Variants in FPGS observed in about 807,000 individuals in gnomAD.
The protein encoded by FPGS is folylpolyglutamate synthase, mitochondrial.
FPGS carries 53 observed loss-of-function variants against 66.5 expected under a neutral mutation model. The ratio of observed to expected loss-of-function variants is 0.80; its 90% confidence interval spans 0.64 to 1.00. FPGS has a LOEUF of 1.00. FPGS is among the 50% of genes least tolerant of loss of function. The pLI is 0.00. For synonymous variants in FPGS, 348 were observed against 350.9 expected, an observed-to-expected ratio of 0.99 and a Z score of 0.09; for missense variants, 702 against 807.7, an observed-to-expected ratio of 0.87 and a Z score of 1.59.
intron 14 of FPGS, 71 bp downstream of exon 14, chr9:127,811,082 C>G (rs542854218): frequency 1.2e-6 from 1 of 854,148 alleles, no homozygotes; most frequent in Non-Finnish European, 1.9e-6. Context: ...GGCTTCCAAA[C>G]TGGAGGTTTG....
At chr9:127,812,310 T>G (rs1432918620) in intron 14 of FPGS, among the ~76,000 whole-genome samples, 5 of 148,396 alleles carry the variant, frequency 3.4e-5, no homozygotes, top group African/African-American at 1.3e-4. Flanking sequence ...TGGGGAGAGT[T>G]CTGGAATCTG....
intron 1 of FPGS, 47 bp downstream of exon 1, chr9:127,803,109 TG>T (rs1829669059): frequency 7.6e-7 from 1 of 1,321,734 alleles, no homozygotes; most frequent in Non-Finnish European, 9.6e-7. Context: ...CGACGACACG[TG>T]GGCCTGCGCT....
Position 127,813,217 on chromosome 9 carries a change from A to C in FPGS, c.1377A>C (p.Thr459=), listed in dbSNP as rs765952881. 1.3e-6 allele frequency: 2 copies of C among 1,594,304 alleles called. No individual in the cohort carries two copies. Among genetic ancestry groups the C allele is most frequent in the African/African-American group, 1.3e-5 (1 of 74,606 alleles). Residue 459 remains threonine, a synonymous_variant, in exon 15 of 15, where the codon ACA becomes ACC. Coordinates refer to ENST00000373247, the MANE Select transcript of FPGS (RefSeq NM_004957.6). The stretch of plus-strand genomic sequence containing the variant: ...CAGACCAACAGAACTTCACAGTGAC[A>C]CTGGACCAGGTCCTGCTCCGCTGCC... ...GNADQQNFTV[T]LDQVLLRCLE...
chr9:127,806,917 G>T (rs1352973216), intron 4 of FPGS, 56 bp from the exon 5 acceptor site: 1 of 1,332,092 alleles, frequency 7.5e-7, no homozygotes, highest in Non-Finnish European at 1.1e-6. Flanking sequence ...CTGCAGGGTG[G>T]GGGAAGGCCA....
At chr9:127,808,754 C>G (rs1313903274) in intron 10 of FPGS, 46 bp from the exon 11 acceptor site, 1 of 1,557,804 alleles carries the variant, frequency 6.4e-7, no homozygotes, top group Non-Finnish European at 8.7e-7. Flanking sequence ...CCTGTGGAGC[C>G]TGCCTAGGAG....
At position 127,808,794 on chromosome 9, in the gene FPGS, C is replaced by G; in HGVS notation, c.971-6C>G. The G allele has an allele frequency of 6.4e-7, 1 of 1,557,158 alleles. No individual in the cohort carries two copies. Among genetic ancestry groups the G allele is most frequent in the Non-Finnish European group, 8.7e-7 (1 of 1,150,408 alleles). On this transcript the variant is annotated splice_region_variant and splice_polypyrimidine_tract_variant and intron_variant, in intron 10 of 14. Coordinates refer to ENST00000373247, the MANE Select transcript of FPGS (RefSeq NM_004957.6). ...CCGGACACACTTGGTCTCACACACC[C>G]CGCAGGTGCTGGGGAGCCAAAGGCA...
chr9:127,813,930 C>T lies in FPGS; in HGVS notation c.*326C>T. The stretch of plus-strand genomic sequence containing the variant: ...ATTGTGTGCGCTGCCTGGCCAGGCC[C>T]TGGGTCTTGCCATGTGCTGGGTGGT... On this transcript the variant is annotated 3_prime_UTR_variant, in exon 15 of 15. Coordinates refer to ENST00000373247, the MANE Select transcript of FPGS (RefSeq NM_004957.6). 8.8e-7 allele frequency: 1 copy of T among 1,130,490 alleles called. No homozygotes were observed. Among genetic ancestry groups the T allele is most frequent in the Non-Finnish European group, 1.1e-6 (1 of 923,870 alleles). 70.0% of individuals were successfully genotyped at this position (1,130,490 alleles called of 1,614,324 possible). A position where few individuals can be genotyped will look rare whatever the true frequency, so the allele number is the denominator to read the frequency against.
At chr9:127,808,413 T>G in intron 9 of FPGS, 102 bp downstream of exon 9, 1 of 1,486,010 alleles carries the variant, frequency 6.7e-7, no homozygotes, top group Non-Finnish European at 9.4e-7. Flanking sequence ...ATCTGTGCAG[T>G]GAGGACGCTG....
Position 127,808,700 on chromosome 9 carries a change from G to T in FPGS, c.965G>T (p.Arg322Leu). 1 of 1,584,000 alleles carries T rather than the reference G, an allele frequency of 6.3e-7. No homozygotes were observed. Among genetic ancestry groups the T allele is most frequent in the Non-Finnish European group, 8.6e-7 (1 of 1,165,520 alleles). Residue 322 changes from arginine to leucine, a missense_variant, in exon 10 of 15, where the codon CGC becomes CTC. Physicochemically the swap from Arg to Leu is moderately radical, Grantham distance 102. Transcript: ENST00000373247. ...LAHCWLQRQD[R>L]HGAGEPKASR... ...CACTGCTGGCTGCAGCGGCAGGACC[G>T]CCATGGTGAGTGGGCAGCTGAGTGG... is the stretch of plus-strand genomic sequence containing the variant.
chr9:127,813,556 C>G lies in FPGS; in HGVS notation c.1716C>G (p.His572Gln), dbSNP rs138533799. 1 of 1,592,448 alleles carries G rather than the reference C, an allele frequency of 6.3e-7. No individual in the cohort carries two copies. The highest frequency in any genetic ancestry group is 1.7e-5 in the Admixed American group (1 of 58,138). Residue 572 changes from histidine (H) to glutamine (Q), a missense_variant, in exon 15 of 15, where the codon CAC (histidine) becomes CAG (glutamine). By Grantham distance (24) the His-to-Gln change is conservative. Around this residue, in one of 3 missense-constraint regions of FPGS, gnomAD observed 351 missense variants for 363.7 expected, o/e 0.97. Transcript: ENST00000373247. ...AIHVLVTGSL[H>Q]LVGGVLKLLE... ...ATGTGCTAGTCACTGGCAGCCTGCA[C>G]CTGGTGGGTGGTGTCCTGAAGCTGC...
At chr9:127,809,888 ATCTTGGGGAAGGGCGGGGCGGGG>A (rs1209176351) in intron 12 of FPGS, 54 bp downstream of exon 12, 13 of 616,844 alleles carry the variant, frequency 2.1e-5, no homozygotes, top group Admixed American at 2.9e-5. Flanking sequence ...GAGGGGCGGG[ATCTTGGGGAAGGGCGGGGCGGGG>A]TCGTGGGGAA....
intron 11 of FPGS, 133 bp from the exon 12 acceptor site, chr9:127,809,551 C>G: frequency 1.2e-6 from 1 of 802,132 alleles, no homozygotes; most frequent in Admixed American, 4.0e-5. Flanking sequence ...GTAAAAAGTT[C>G]CTGGGCTGCC....
chr9:127,804,260 A>G (rs7856096), intron 1 of FPGS, 25 bp from the exon 2 acceptor site: 41,239 of 1,611,018 alleles, frequency 0.026, 1,841 homozygotes, highest in African/African-American at 0.2. Flanking sequence ...GCCTTAACCT[A>G]CTATCTGGGC....
intron 8 of FPGS, 61 bp from the exon 9 acceptor site, chr9:127,808,173 C>G: frequency 7.9e-7 from 1 of 1,262,134 alleles, no homozygotes; most frequent in Non-Finnish European, 1.2e-6. Context: ...GATGTGGGGG[C>G]CAGAGATAGG....
chr9:127,803,403 G>A (rs2131841374), intron 1 of FPGS: 1 of 1,071,202 alleles, frequency 9.3e-7, no homozygotes, highest in East Asian at 6.4e-5. Context: ...TGGGGAAAGA[G>A]GGTAGGGAAG....
At chr9:127,803,287 G>T in intron 1 of FPGS, 2 of 1,232,242 alleles carry the variant, frequency 1.6e-6, no homozygotes, top group Admixed American at 4.3e-5. Flanking sequence ...TCCCCGCCCC[G>T]GGTTGGGAAG....
Position 127,813,526 on chromosome 9 carries a change from C to A in FPGS, c.1686C>A (p.Ala562=). The A allele has an allele frequency of 6.2e-7, 1 of 1,608,884 alleles. No individual in the cohort carries two copies. Residue 562 remains alanine, a synonymous_variant, in exon 15 of 15, where the codon GCC becomes GCA. Coordinates refer to ENST00000373247, the MANE Select transcript of FPGS (RefSeq NM_004957.6). Reference sequence around the variant, plus strand: ...CCAGCATACTCCGTGAGGCTGCTGCCATCCATGTGCTAGTCACTGGCAGCC... The same window carrying A: ...CCAGCATACTCCGTGAGGCTGCTGCAATCCATGTGCTAGTCACTGGCAGCC... ...SGASILREAA[A]IHVLVTGSLH... is the part of the protein sequence containing the mutation.
chr9:127,804,813 C>CATGTTTTTAT lies in FPGS; in HGVS notation c.386+113_386+114insATGTTTTTAT. On this transcript the variant is annotated intron_variant, in intron 4 of 14. Coordinates refer to ENST00000373247, the MANE Select transcript of FPGS (RefSeq NM_004957.6). Reference sequence around the variant, plus strand: ...CCCCCAGGAGGTCAGCTGCATGTCTCTCTGCCCAGTGTTTATTCATTCAAT... The same window carrying CATGTTTTTAT: ...CCCCCAGGAGGTCAGCTGCATGTCTCATGTTTTTATTCTGCCCAGTGTTTATTCATTCAAT... 4 of 935,836 alleles carry CATGTTTTTAT rather than the reference C, an allele frequency of 4.3e-6. No individual in the cohort carries two copies. The South Asian group carries it at 5.3e-5, about 12-fold the overall frequency. 58.0% of individuals were successfully genotyped at this position (935,836 alleles called of 1,614,324 possible). A position where few individuals can be genotyped will look rare whatever the true frequency, so the allele number is the denominator to read the frequency against.
Position 127,807,181 on chromosome 9 carries a change from T to C in FPGS, c.502-28T>C. On this transcript the variant is annotated intron_variant, in intron 5 of 14. Transcript: ENST00000373247. The surrounding 1 kb of genome is among the most constrained non-coding windows in gnomAD (Gnocchi z 5.8). ...CCCAGAGAAGGGGCTGCATGGGCTC[T>C]GGGCCCTGACATGTCCCTGTGCCAC... 6.2e-7 allele frequency: 1 copy of C among 1,613,604 alleles called. No individual in the cohort carries two copies. The highest frequency in any genetic ancestry group is 8.5e-7 in the Non-Finnish European group (1 of 1,179,594).
Sources: gnomAD v4.1 joint callset for allele counts (sites outside exome capture counted in the v4.1 genomes callset) on GRCh38, gnomAD v4.1.1 for gene constraint, gnomAD v4.1.1 regional missense constraint, Gnocchi (gnomAD v3.1) non-coding constraint, MANE v1.5 for transcripts, NCBI Gene and HGNC (gene_info 2026-07-23, HGNC 2026-07-21) for gene names.